The following NINJ2 variants were observed in gnomAD, a reference collection of about 807,000 sequenced individuals.
NINJ2 encodes the protein ninjurin 2.
Under a neutral mutation model 11.7 loss-of-function variants are expected in NINJ2, and 12 were observed. The ratio of observed to expected loss-of-function variants is 1.02; its 90% confidence interval spans 0.66 to 1.66. The LOEUF (loss-of-function observed/expected upper bound fraction) is 1.66, where lower values mean the gene tolerates loss of function less well. Ranked by LOEUF, NINJ2 falls within the 40% of genes most tolerant of loss-of-function variation. The pLI is 0.00. For missense variants in NINJ2, 187 were observed against 181.8 expected (o/e 1.03, Z -0.16); for synonymous variants, 93 against 76.8 (o/e 1.21, Z -1.10).
rs566221246 is a variant in NINJ2 at position 591,923 on chromosome 12, C to T, written c.34-25745G>A. On this transcript the variant is annotated intron_variant, in intron 1 of 3. Coordinates refer to ENST00000305108, the MANE Select transcript of NINJ2 (RefSeq NM_016533.6). This position sits in a 1 kb window ranked among gnomAD's most constrained non-coding sequence, Gnocchi z 5.0. ...TTTTGAGCAAACAGAGGCCCCCAGG[C>T]GTTTTTCCCGGGTCACTCCCTTTGC... 5.9e-5 allele frequency among the ~76,000 whole-genome samples: 9 copies of T among 152,228 alleles called. No individual in the cohort carries two copies. Among genetic ancestry groups the T allele is most frequent in the South Asian group, 2.1e-4 (1 of 4,812 alleles).
At chr12:588,177 G>A (rs975289365) in intron 1 of NINJ2, among the ~76,000 whole-genome samples, 1 of 136,750 alleles carries the variant, frequency 7.3e-6, no homozygotes, top group African/African-American at 2.7e-5. Flanking sequence ...CGGAAGGGAC[G>A]GAAGGGACGG....
intron 1 of NINJ2, chr12:610,300 C>T (rs1948011116): frequency 4.0e-6 from 6 of 1,495,868 alleles, no homozygotes; most frequent in Non-Finnish European, 2.7e-6. Context: ...GTGCCCAGCA[C>T]CCAGTGCTGA....
intron 1 of NINJ2, among the ~76,000 whole-genome samples, chr12:597,471 G>C (rs1041723067): frequency 6.6e-6 from 1 of 152,192 alleles, no homozygotes; most frequent in African/African-American, 2.4e-5. Flanking sequence ...TGGTGACACA[G>C]GAGAACATAG....
chr12:661,016 C>T (rs1565651642), intron 1 of NINJ2, among the ~76,000 whole-genome samples: 1 of 152,168 alleles, frequency 6.6e-6, no homozygotes, highest in Admixed American at 6.5e-5. Context: ...ATTGATGTAC[C>T]TTTACCACCC....
At chr12:603,255 TA>T (rs1947896073) in intron 1 of NINJ2, among the ~76,000 whole-genome samples, 1 of 151,150 alleles carries the variant, frequency 6.6e-6, no homozygotes, top group Non-Finnish European at 1.5e-5. Context: ...TCATTTGCCC[TA>T]AAATTTGATT....
chr12:629,054 G>A (rs922059509), intron 1 of NINJ2, among the ~76,000 whole-genome samples: 52 of 152,192 alleles, frequency 3.4e-4, no homozygotes, highest in African/African-American at 1.2e-3. Context: ...AGCCATTCTC[G>A]TGTTTCTTTA....
chr12:618,339 AATAAGGTGGGGGTGAGGAGTTG>A (rs1948117894), intron 1 of NINJ2, among the ~76,000 whole-genome samples: 2 of 16,766 alleles, frequency 1.2e-4, no homozygotes, highest in Non-Finnish European at 2.3e-4. Flanking sequence ...AGGAGTTGGT[AATAAGGTGGGGGTGAGGAGTTG>A]GTAATGAGGT....
chr12:663,287 A>ACTCC, intron 1 of NINJ2, 41 bp downstream of exon 1: 3 of 1,581,078 alleles, frequency 1.9e-6, no homozygotes, highest in Middle Eastern at 3.3e-4. Flanking sequence ...CTTCACCTCT[A>ACTCC]CTCCCGGTCT....
At chr12:565,891 C>G in intron 2 of NINJ2, 59 bp downstream of exon 2, 1 of 1,473,800 alleles carries the variant, frequency 6.8e-7, no homozygotes, top group Non-Finnish European at 9.5e-7. Flanking sequence ...ACACGTGGGG[C>G]CTTTCTGCCA....
At chr12:646,758 T>C (rs940310004) in intron 1 of NINJ2, among the ~76,000 whole-genome samples, 12 of 152,014 alleles carry the variant, frequency 7.9e-5, no homozygotes, top group Middle Eastern at 3.4e-3. Flanking sequence ...GGGCAGACAA[T>C]TGGTCTCTGG....
chr12:577,107 G>A lies in NINJ2; in HGVS notation c.34-10929C>T, dbSNP rs373209990. On this transcript the variant is annotated intron_variant, in intron 1 of 3. Transcript: ENST00000305108. The stretch of plus-strand genomic sequence containing the variant: ...GATGGTCCCCAGCTTTCGCACCATC[G>A]TAAGTGATACACTTTACAAACTGTC... Among the ~76,000 whole-genome samples, 51 of 152,204 alleles carry A rather than the reference G, an allele frequency of 3.4e-4. 1 individual carries two copies. The South Asian group carries it at 9.9e-3, about 30-fold the overall frequency.
rs1175708691 is a variant in NINJ2, at chr12:633,599, T to C, written c.33+29729A>G. Among the ~76,000 whole-genome samples the C allele has an allele frequency of 1.3e-5, 2 of 152,136 alleles. No individual in the cohort carries two copies. The highest frequency in any genetic ancestry group is 2.9e-5 in the Non-Finnish European group (2 of 68,010). On this transcript the variant is annotated intron_variant, in intron 1 of 3. Transcript: ENST00000305108. This position sits in a 1 kb window ranked among gnomAD's most constrained non-coding sequence, Gnocchi z 4.3. ...GGGAGGCTGAGGCAGGCAGATCACT[T>C]GAGGCCAGGAGTTCAAGACCAGCCT...
In NINJ2 at chr12:566,155, G is replaced by C. The variant is rs772570322; in HGVS notation, c.57C>G (p.Ser19Arg). The C allele has an allele frequency of 4.3e-6, 7 of 1,613,886 alleles. No homozygotes were observed. Among genetic ancestry groups the C allele is most frequent in the South Asian group, 1.1e-5 (1 of 91,046 alleles). Residue 19 changes from serine to arginine, a missense_variant, in exon 2 of 4, where the codon AGC (serine) becomes AGG (arginine). By Grantham distance (110) the Ser-to-Arg change is moderately radical (BLOSUM62 -1). Coordinates refer to ENST00000305108, the MANE Select transcript of NINJ2 (RefSeq NM_016533.6). ...CGTAATGGTTCAGGTTGATGGGCTGGCTCCTGGGGTCGGAGCTTCCAGGCT... is the reference window on the plus strand; with the variant it reads ...CGTAATGGTTCAGGTTGATGGGCTGCCTCCTGGGGTCGGAGCTTCCAGGCT... ...DLQPGSSDPR[S>R]QPINLNHYAT...
At position 628,463 on chromosome 12, in the gene NINJ2, A is replaced by G. The variant is rs1029738960; in HGVS notation, c.33+34865T>C. Among the ~76,000 whole-genome samples, 1 of 152,198 alleles carries G rather than the reference A, an allele frequency of 6.6e-6. No individual in the cohort carries two copies. Among genetic ancestry groups the G allele is most frequent in the Non-Finnish European group, 1.5e-5 (1 of 68,026 alleles). On this transcript the variant is annotated intron_variant, in intron 1 of 3. Coordinates refer to ENST00000305108, the MANE Select transcript of NINJ2 (RefSeq NM_016533.6). This position sits in a 1 kb window ranked among gnomAD's most constrained non-coding sequence, Gnocchi z 4.4. ...TCTGGTACAGAGTGACCAACATAAC[A>G]GTTAATAGCATTTCCTCATTTTACA...
chr12:589,102 A>G (rs1592081711), intron 1 of NINJ2, among the ~76,000 whole-genome samples: 1 of 152,368 alleles, frequency 6.6e-6, no homozygotes. Flanking sequence ...TATTCCATGC[A>G]TCATTATTGA....
intron 1 of NINJ2, among the ~76,000 whole-genome samples, chr12:609,144 A>ACG (rs56666013): frequency 0.027 from 1,594 of 58,020 alleles, 60 homozygotes; most frequent in Middle Eastern, 0.038. Flanking sequence ...GCACGGCGCC[A>ACG]CGCTAGGGGC....
intron 1 of NINJ2, among the ~76,000 whole-genome samples, chr12:608,676 T>C (rs1482814324): frequency 6.6e-6 from 1 of 152,108 alleles, no homozygotes; most frequent in Non-Finnish European, 1.5e-5. Context: ...GCTAATCCCA[T>C]CTCAGCCCTC....
intron 1 of NINJ2, among the ~76,000 whole-genome samples, chr12:571,206 C>A (rs1459803786): frequency 6.6e-6 from 1 of 152,250 alleles, no homozygotes; most frequent in East Asian, 1.9e-4. Flanking sequence ...ACCAATGACA[C>A]CTGGACAGAC....
intron 1 of NINJ2, among the ~76,000 whole-genome samples, chr12:589,177 T>C (rs1481869581): frequency 6.6e-6 from 1 of 152,162 alleles, no homozygotes; most frequent in Non-Finnish European, 1.5e-5. Context: ...TAAGCTGGCC[T>C]ACAACCACAC....
Sources: allele counts gnomAD v4.1 joint callset (sites outside exome capture counted in the v4.1 genomes callset), GRCh38; gene constraint gnomAD v4.1.1; non-coding constraint Gnocchi (gnomAD v3.1); transcripts MANE v1.5; gene names NCBI Gene and HGNC (gene_info 2026-07-23, HGNC 2026-07-21).